The following KCNB2 variants were observed in gnomAD, a reference collection of about 807,000 sequenced individuals.
KCNB2 encodes potassium voltage-gated channel subfamily B member 2.
Under a neutral mutation model 61.5 loss-of-function variants are expected in KCNB2, and 15 were observed. That is an observed-to-expected ratio of 0.24 (90% confidence interval 0.16 to 0.38). KCNB2 has a LOEUF of 0.38. Ranked by LOEUF, KCNB2 falls within the 10% of genes least tolerant of loss-of-function variation. The pLI, the probability that KCNB2 is intolerant of heterozygous loss-of-function variation, is 1.00. For synonymous variants in KCNB2, 457 were observed against 446.0 expected (o/e 1.02, Z -0.31); for missense variants, 828 against 1,125.2 (o/e 0.74, Z 3.78).
chr8:72,599,132 C>T (rs984723976), intron 2 of KCNB2, among the ~76,000 whole-genome samples: 2 of 152,052 alleles, frequency 1.3e-5, no homozygotes, highest in Non-Finnish European at 2.9e-5. Flanking sequence ...AAAGAGCCCG[C>T]ATCGCCAAGT....
At chr8:72,829,655 A>G (rs566118567) in intron 2 of KCNB2, among the ~76,000 whole-genome samples, 16 of 152,210 alleles carry the variant, frequency 1.1e-4, no homozygotes, top group Non-Finnish European at 2.1e-4. Context: ...CTACTAAATG[A>G]TGGGTTGGAA....
At chr8:72,618,356 A>G (rs1158136723) in intron 2 of KCNB2, among the ~76,000 whole-genome samples, 1 of 152,130 alleles carries the variant, frequency 6.6e-6, no homozygotes, top group East Asian at 1.9e-4. Context: ...CTATTAATTC[A>G]CCCTAAGTAT....
intron 2 of KCNB2, among the ~76,000 whole-genome samples, chr8:72,825,409 T>C (rs1809581616): frequency 2.6e-5 from 4 of 152,206 alleles, no homozygotes; most frequent in Admixed American, 2.6e-4. Flanking sequence ...TGGGTATTTA[T>C]CCAGAAGGGG....
chr8:72,714,937 A>G lies in KCNB2; in HGVS notation c.579+146624A>G, dbSNP rs540464458. On this transcript the variant is annotated intron_variant, in intron 2 of 2. Transcript: ENST00000523207. ...ACCCATCTCACGTGCAGAGACACAC[A>G]TAGGCTCAAAATAAAGGGATGGAGG... Among the ~76,000 whole-genome samples the G allele has an allele frequency of 1.5e-4, 23 of 152,318 alleles. No homozygotes were observed. The South Asian group carries it at 4.3e-3, about 29-fold the overall frequency.
chr8:72,624,988 A>G (rs1205262252), intron 2 of KCNB2, among the ~76,000 whole-genome samples: 2 of 152,210 alleles, frequency 1.3e-5, no homozygotes, highest in East Asian at 3.8e-4. Flanking sequence ...GATCACATAC[A>G]TTAGGAACTG....
intron 2 of KCNB2, among the ~76,000 whole-genome samples, chr8:72,803,703 C>T (rs1266020421): frequency 6.6e-6 from 1 of 152,090 alleles, no homozygotes; most frequent in Non-Finnish European, 1.5e-5. Context: ...TTAGTTTTGG[C>T]CTAAGGGCAG....
At chr8:72,820,545 T>C (rs1413920397) in intron 2 of KCNB2, among the ~76,000 whole-genome samples, 1 of 152,182 alleles carries the variant, frequency 6.6e-6, no homozygotes, top group African/African-American at 2.4e-5. Flanking sequence ...CATAAAATTG[T>C]ATCTAGATAT....
At chr8:72,813,767 C>T (rs1809344724) in intron 2 of KCNB2, among the ~76,000 whole-genome samples, 3 of 152,214 alleles carry the variant, frequency 2.0e-5, no homozygotes, top group Admixed American at 2.0e-4. Context: ...TAACCACCCC[C>T]AAGGGGTATT....
At chr8:72,807,405 G>T (rs1417336390) in intron 2 of KCNB2, among the ~76,000 whole-genome samples, 1 of 152,150 alleles carries the variant, frequency 6.6e-6, no homozygotes, top group African/African-American at 2.4e-5. Context: ...CCACCCTGCA[G>T]GTATAAGTTA....
At chr8:72,633,637 T>G (rs1361767608) in intron 2 of KCNB2, among the ~76,000 whole-genome samples, 1 of 152,146 alleles carries the variant, frequency 6.6e-6, no homozygotes, top group Admixed American at 6.6e-5. Context: ...GCACTTGCTT[T>G]TCCATTTTGG....
At chr8:72,600,195 A>C (rs1415156848) in intron 2 of KCNB2, among the ~76,000 whole-genome samples, 1 of 152,192 alleles carries the variant, frequency 6.6e-6, no homozygotes, top group East Asian at 1.9e-4. Flanking sequence ...AACCAACCCA[A>C]ATGTCCAACA....
At chr8:72,925,099 A>C (rs926549880) in intron 2 of KCNB2, among the ~76,000 whole-genome samples, 1 of 152,172 alleles carries the variant, frequency 6.6e-6, no homozygotes, top group Admixed American at 6.6e-5. Context: ...TAAAAGGAAA[A>C]ATGATTGCAT....
chr8:72,612,809 G>A (rs962971478), intron 2 of KCNB2, among the ~76,000 whole-genome samples: 1 of 152,100 alleles, frequency 6.6e-6, no homozygotes, highest in Non-Finnish European at 1.5e-5. Flanking sequence ...GTTTGAGCTT[G>A]CTAAGAATTA....
At chr8:72,718,751 C>G (rs1807493398) in intron 2 of KCNB2, among the ~76,000 whole-genome samples, 1 of 151,938 alleles carries the variant, frequency 6.6e-6, no homozygotes, top group South Asian at 2.1e-4. Flanking sequence ...CAACATGGCA[C>G]ATATATACAT....
chr8:72,863,803 A>T (rs1805458831), intron 2 of KCNB2, among the ~76,000 whole-genome samples: 3 of 152,320 alleles, frequency 2.0e-5, no homozygotes, highest in East Asian at 3.9e-4. Context: ...TGAGCCATGG[A>T]GTTCAGGACC....
intron 2 of KCNB2, among the ~76,000 whole-genome samples, chr8:72,923,669 A>G (rs1044454701): frequency 6.6e-6 from 1 of 151,898 alleles, no homozygotes; most frequent in South Asian, 2.1e-4. Flanking sequence ...TTTTTGGTTT[A>G]CAGACTATAC....
chr8:72,807,056 G>A (rs746067461), intron 2 of KCNB2, among the ~76,000 whole-genome samples: 34 of 152,152 alleles, frequency 2.2e-4, no homozygotes, highest in Non-Finnish European at 3.8e-4. Context: ...AGGAAAAGGA[G>A]GAGAGGTTTC....
At chr8:72,802,360 A>G (rs929394026) in intron 2 of KCNB2, among the ~76,000 whole-genome samples, 4 of 152,226 alleles carry the variant, frequency 2.6e-5, no homozygotes, top group African/African-American at 9.6e-5. Context: ...TATTGTCTTC[A>G]GTCTATAAAG....
chr8:72,712,916 G>T (rs1288728970), intron 2 of KCNB2, among the ~76,000 whole-genome samples: 1 of 152,204 alleles, frequency 6.6e-6, no homozygotes, highest in Non-Finnish European at 1.5e-5. Context: ...CCTAGTCAAA[G>T]AAAGGGGTGA....
Sources: gnomAD v4.1 joint callset for allele counts (sites outside exome capture counted in the v4.1 genomes callset) on GRCh38, gnomAD v4.1.1 for gene constraint, MANE v1.5 for transcripts, NCBI Gene and HGNC (gene_info 2026-07-23, HGNC 2026-07-21) for gene names.